The following PATL2 variants were observed in gnomAD, a reference collection of about 807,000 sequenced individuals.
The protein encoded by PATL2 is protein PAT1 homolog 2.
Under a neutral mutation model 77.0 loss-of-function variants are expected in PATL2, and 73 were observed. The ratio of observed to expected loss-of-function variants is 0.95; its 90% CI spans 0.78 to 1.15. The LOEUF is 1.15. PATL2 is among the 50% of genes most tolerant of loss of function. PATL2 has a pLI of 0.00. For missense variants in PATL2, 618 were observed against 655.4 expected (o/e 0.94, Z 0.62); for synonymous variants, 265 against 257.1 (o/e 1.03, Z -0.29).
At chr15:44,700,963 G>C (rs948165357) in intron 3 of PATL2, among the ~76,000 whole-genome samples, 4 of 152,128 alleles carry the variant, frequency 2.6e-5, no homozygotes, top group African/African-American at 9.6e-5. Flanking sequence ...TTTTGGGGGG[G>C]GTTTTATCAT....
intron 3 of PATL2, among the ~76,000 whole-genome samples, chr15:44,680,853 T>G (rs751963559): frequency 6.6e-6 from 1 of 152,164 alleles, no homozygotes; most frequent in Non-Finnish European, 1.5e-5. Context: ...TCTGGACAAT[T>G]GACAATTATT....
intron 8 of PATL2, 93 bp downstream of exon 8, chr15:44,672,295 C>T (rs2085727206): frequency 1.3e-6 from 2 of 1,524,382 alleles, no homozygotes; most frequent in African/African-American, 1.4e-5. Flanking sequence ...TTTTAACCAC[C>T]ACATGGGAGA....
At chr15:44,684,280 G>T (rs1225195570) in intron 3 of PATL2, among the ~76,000 whole-genome samples, 6 of 151,820 alleles carry the variant, frequency 4.0e-5, no homozygotes, top group Admixed American at 3.9e-4. Flanking sequence ...TCAGAAGGTG[G>T]GTAATAACAA....
chr15:44,685,610 A>G (rs572721185), intron 3 of PATL2, among the ~76,000 whole-genome samples: 2 of 151,630 alleles, frequency 1.3e-5, no homozygotes, highest in African/African-American at 4.8e-5. Flanking sequence ...TCTGTCTCAA[A>G]AAAAAAAAAA....
chr15:44,679,057 C>A (rs530719351), intron 3 of PATL2, among the ~76,000 whole-genome samples: 27 of 152,030 alleles, frequency 1.8e-4, no homozygotes, highest in African/African-American at 6.3e-4. Flanking sequence ...TCTCTCCTGC[C>A]CCCTTTCATT....
Position 44,669,809 on chromosome 15 carries a change from T to C in PATL2, c.844A>G (p.Ile282Val). 6.4e-7 allele frequency: 1 copy of C among 1,551,662 alleles called. No homozygotes were observed. The highest frequency in any genetic ancestry group is 8.7e-7 in the Non-Finnish European group (1 of 1,146,966). The change falls in exon 11 of 18, where the codon ATT (isoleucine) becomes GTT (valine). Residue 282 changes from isoleucine to valine, a missense_variant. Coordinates refer to ENST00000682850, the MANE Select transcript of PATL2 (RefSeq NM_001387263.1). ...VSTCFSPRRA[I>V]DAVPHGTQEQ... The stretch of plus-strand genomic sequence containing the variant: ...TGAGTTCCATGGGGTACCGCATCAA[T>C]AGCTCGGCGAGGGCTGAAGCATGTC...
At chr15:44,693,335 C>T (rs971155354) in intron 3 of PATL2, among the ~76,000 whole-genome samples, 4 of 152,210 alleles carry the variant, frequency 2.6e-5, no homozygotes, top group Non-Finnish European at 5.9e-5. Flanking sequence ...TTTCTGGAGA[C>T]TCTATGGGAG....
chr15:44,665,967 C>G lies in PATL2; in HGVS notation c.1618G>C (p.Ala540Pro). 6.5e-7 allele frequency: 1 copy of G among 1,542,802 alleles called. No individual in the cohort carries two copies. The change falls in exon 18 of 18, where the codon GCC becomes CCC. Residue 540 changes from alanine (A) to proline (P), a missense_variant. Coordinates refer to ENST00000682850, the MANE Select transcript of PATL2 (RefSeq NM_001387263.1). Reference protein sequence around the residue: ...VQQLEARMEFAWIY With the variant: ...VQQLEARMEFPWIY ...GAACAAACAGATCAGTAAATCCAGGCAAACCTATAAAGAGAACAGATATTA... is the reference window on the plus strand; with the variant it reads ...GAACAAACAGATCAGTAAATCCAGGGAAACCTATAAAGAGAACAGATATTA...
rs1337055622 is a variant in PATL2, at chr15:44,710,118, GCT to G, written c.-100_-99del. Among the ~76,000 whole-genome samples the G allele has an allele frequency of 1.1e-4, 17 of 152,244 alleles. No homozygotes were observed. The highest frequency in any genetic ancestry group is 4.1e-4 in the African/African-American group (17 of 41,546). On this transcript the variant is annotated 5_prime_UTR_variant, in exon 3 of 18. The change abolishes the stop of an existing upstream ORF in the 5' untranslated region. Transcript: ENST00000682850. ...TACTATGTACCAGGCATTGTGGGAG[GCT>G]CTCTCTTGTGCATTATCTCATTTCA...
At chr15:44,704,822 G>C (rs2086698823) in intron 3 of PATL2, among the ~76,000 whole-genome samples, 1 of 152,084 alleles carries the variant, frequency 6.6e-6, no homozygotes. Context: ...CTCAACTTTT[G>C]TTTGTCTAGG....
At chr15:44,684,014 AG>A (rs1226675449) in intron 3 of PATL2, among the ~76,000 whole-genome samples, 1 of 152,052 alleles carries the variant, frequency 6.6e-6, no homozygotes, top group African/African-American at 2.4e-5. Context: ...CCTGACTGTT[AG>A]AAGGAAAACT....
intron 3 of PATL2, among the ~76,000 whole-genome samples, chr15:44,697,785 GA>G (rs767943486): frequency 1.3e-5 from 2 of 152,166 alleles, no homozygotes; most frequent in Non-Finnish European, 2.9e-5. Context: ...CCAGCTCAGT[GA>G]AATCATGGGA....
chr15:44,701,786 C>G (rs900879525), intron 3 of PATL2, among the ~76,000 whole-genome samples: 2 of 151,406 alleles, frequency 1.3e-5, no homozygotes, highest in African/African-American at 4.9e-5. Context: ...GTTCTGTAGG[C>G]TGTACAAACA....
At chr15:44,695,396 TTTTC>T (rs2086483356) in intron 3 of PATL2, among the ~76,000 whole-genome samples, 1 of 152,162 alleles carries the variant, frequency 6.6e-6, no homozygotes, top group Non-Finnish European at 1.5e-5. Context: ...CCATCTTCCC[TTTTC>T]TTTGTCAGCC....
At chr15:44,678,417 G>A (rs2086044365) in intron 3 of PATL2, among the ~76,000 whole-genome samples, 2 of 152,188 alleles carry the variant, frequency 1.3e-5, no homozygotes, top group African/African-American at 4.8e-5. Context: ...TGGCTGTTTG[G>A]AGTTTCACTT....
At chr15:44,669,938 C>T (rs994490201) in intron 10 of PATL2, 29 bp downstream of exon 10, 13 of 1,549,696 alleles carry the variant, frequency 8.4e-6, no homozygotes, top group Non-Finnish European at 7.9e-6. Flanking sequence ...GATGCCCAGC[C>T]CAAGTCAGCA....
chr15:44,692,742 G>C (rs549448678), intron 3 of PATL2, among the ~76,000 whole-genome samples: 1 of 152,390 alleles, frequency 6.6e-6, no homozygotes, highest in African/African-American at 2.4e-5. Context: ...TTGTCTTGGG[G>C]GCTGGAGGCC....
At chr15:44,671,978 C>G in intron 9 of PATL2, 37 bp downstream of exon 9, 2 of 1,549,166 alleles carry the variant, frequency 1.3e-6, no homozygotes, top group Non-Finnish European at 1.7e-6. Context: ...CCATTTGACC[C>G]AAGGTCAGAG....
Position 44,675,953 on chromosome 15 carries a change from G to A in PATL2, c.17-262C>T, listed in dbSNP as rs145543504. On this transcript the variant is annotated intron_variant, in intron 4 of 17. Coordinates refer to ENST00000682850, the MANE Select transcript of PATL2 (RefSeq NM_001387263.1). ...TCCCAGTTACTTGGGAGGCCAAGGC[G>A]GGAAGATCATTTGGGCCCAGGAGTT... The A allele has an allele frequency of 1.5e-3, 686 of 454,400 alleles. 2 individuals are homozygous for A. Among genetic ancestry groups the A allele is most frequent in the Non-Finnish European group, 2.1e-3 (527 of 255,882 alleles). 28.1% of individuals were successfully genotyped at this position (454,400 alleles called of 1,614,324 possible).
Sources: gnomAD v4.1 joint callset for allele counts (sites outside exome capture counted in the v4.1 genomes callset) on GRCh38, gnomAD v4.1.1 for gene constraint, MANE v1.5 for transcripts, NCBI Gene and HGNC (gene_info 2026-07-23, HGNC 2026-07-21) for gene names.